Variants in CREBL2 observed in about 807,000 individuals in gnomAD.
The protein encoded by CREBL2 is cAMP-responsive element-binding protein-like 2.
In CREBL2, 4 loss-of-function variants were observed where a neutral mutation model predicts 19.5. The ratio of observed to expected loss-of-function variants is 0.20; its 90% CI spans 0.10 to 0.47. The LOEUF (loss-of-function observed/expected upper bound fraction) is 0.47. CREBL2 is among the 20% of genes least tolerant of loss of function. The pLI is 0.98. For synonymous variants in CREBL2, 42 were observed against 46.6 expected (o/e 0.90, Z 0.40); for missense variants, 85 against 145.1 (o/e 0.59, Z 2.13).
chr12:12,629,328 C>T (rs1431759330), intron 1 of CREBL2, among the ~76,000 whole-genome samples: 1 of 152,156 alleles, frequency 6.6e-6, no homozygotes, highest in Admixed American at 6.5e-5. Flanking sequence ...ACAGATTTGA[C>T]ACTCCTTATG....
Position 12,612,124 on chromosome 12 carries a change from G to C in CREBL2, c.-49G>C. 1 of 1,606,274 alleles carries C rather than the reference G, an allele frequency of 6.2e-7. No individual in the cohort carries two copies. The highest frequency in any genetic ancestry group is 8.5e-7 in the Non-Finnish European group (1 of 1,178,000). On this transcript the variant is annotated 5_prime_UTR_variant, in exon 1 of 4. Transcript: ENST00000228865. ...GGCCGGGCCAGGCCGGCTGAGCCGG[G>C]GGAGGGCTCCGGGAGGGAGTGCCTG...
intron 1 of CREBL2, chr12:12,614,623 A>G: frequency 3.5e-6 from 1 of 288,518 alleles, no homozygotes; most frequent in Non-Finnish European, 6.8e-6. Context: ...ATGCACATCC[A>G]TTCCTAGCTA....
At chr12:12,629,808 A>G (rs867184061) in intron 1 of CREBL2, among the ~76,000 whole-genome samples, 9 of 152,072 alleles carry the variant, frequency 5.9e-5, no homozygotes, top group Non-Finnish European at 1.0e-4. Context: ...GAGTGTTTTT[A>G]TCATGTGAAG....
At chr12:12,619,157 C>T (rs1190015518) in intron 1 of CREBL2, among the ~76,000 whole-genome samples, 1 of 152,204 alleles carries the variant, frequency 6.6e-6, no homozygotes, top group Non-Finnish European at 1.5e-5. Flanking sequence ...AACACCTACA[C>T]TACCCTTTGC....
At chr12:12,626,208 A>AGAGCATAAG (rs1327448651) in intron 1 of CREBL2, among the ~76,000 whole-genome samples, 169 of 152,114 alleles carry the variant, frequency 1.1e-3, no homozygotes, top group African/African-American at 4.0e-3. Flanking sequence ...TAACTCCTAA[A>AGAGCATAAG]GAGCATGCAA....
chr12:12,614,445 G>GGT (rs1945292754), intron 1 of CREBL2: 1 of 153,616 alleles, frequency 6.5e-6, no homozygotes, highest in African/African-American at 2.4e-5. Context: ...ATTGAACCCA[G>GGT]GTACCTTTCT....
chr12:12,641,807 C>T (rs905758215), intron 3 of CREBL2, among the ~76,000 whole-genome samples, 187 bp from the exon 4 acceptor site: 4 of 151,980 alleles, frequency 2.6e-5, no homozygotes, highest in African/African-American at 9.7e-5. Context: ...AAAATTAAAA[C>T]ATTTGGCTTC....
chr12:12,617,887 C>T (rs1945325067), intron 1 of CREBL2, among the ~76,000 whole-genome samples: 1 of 151,026 alleles, frequency 6.6e-6, no homozygotes, highest in African/African-American at 2.4e-5. Context: ...GAGCATGCTG[C>T]CTTCAAGCAT....
chr12:12,614,032 C>T lies in CREBL2; in HGVS notation c.15+1845C>T, dbSNP rs7301486. 1.6e-3 allele frequency among the ~76,000 whole-genome samples: 209 copies of T among 133,288 alleles called. 2 individuals carry two copies. The highest frequency in any genetic ancestry group is 5.7e-3 in the African/African-American group (197 of 34,782). The allele number at this position is 133,288 out of a possible 152,430, so 87.4% of individuals were successfully genotyped here. A position where few individuals can be genotyped will look rare whatever the true frequency, so the allele number is the denominator to read the frequency against. On this transcript the variant is annotated intron_variant, in intron 1 of 3. Transcript: ENST00000228865. ...TTTTGAGACGGAGTCTCCGCTGTAT[C>T]GCCCAGGCTGGAGTACAGTGGCACG...
chr12:12,638,726 G>T (rs1479337444), intron 3 of CREBL2, among the ~76,000 whole-genome samples: 1 of 152,114 alleles, frequency 6.6e-6, no homozygotes, highest in Non-Finnish European at 1.5e-5. Flanking sequence ...AGAAAGGCTG[G>T]CTAAGGTGCC....
intron 1 of CREBL2, among the ~76,000 whole-genome samples, chr12:12,633,870 C>T (rs2136305433): frequency 6.6e-6 from 1 of 152,294 alleles, no homozygotes; most frequent in Non-Finnish European, 1.5e-5. Context: ...TACATTTATT[C>T]TAATGATTTG....
At chr12:12,641,253 A>ATTATTTTT (rs1478394376) in intron 3 of CREBL2, among the ~76,000 whole-genome samples, 83 of 78,246 alleles carry the variant, frequency 1.1e-3, no homozygotes, top group South Asian at 1.4e-3. Context: ...TATTATTATT[A>ATTATTTTT]TTTTTTTTTA....
At chr12:12,630,724 AAACAAAAAGGTGTG>A (rs1945437218) in intron 1 of CREBL2, among the ~76,000 whole-genome samples, 1 of 152,220 alleles carries the variant, frequency 6.6e-6, no homozygotes, top group Non-Finnish European at 1.5e-5. Context: ...TCTTTAAAAC[AAACAAAAAGGTGTG>A]TTCCGCTCCC....
chr12:12,621,523 C>CAAAAAA (rs61201510), intron 1 of CREBL2, among the ~76,000 whole-genome samples: 7 of 64,872 alleles, frequency 1.1e-4, no homozygotes, highest in African/African-American at 1.7e-4. Context: ...CGTCTCAAAC[C>CAAAAAA]AAAAAAAAAA....
intron 1 of CREBL2, among the ~76,000 whole-genome samples, chr12:12,623,180 G>A (rs374063454): frequency 2.3e-5 from 3 of 130,546 alleles, no homozygotes; most frequent in African/African-American, 8.8e-5. Flanking sequence ...TCAAAATATT[G>A]CTGATTTTTC....
intron 1 of CREBL2, among the ~76,000 whole-genome samples, chr12:12,634,528 A>G (rs935240161): frequency 6.6e-6 from 1 of 152,184 alleles, no homozygotes; most frequent in Admixed American, 6.5e-5. Flanking sequence ...GTGTATATAT[A>G]TACGATTTTA....
rs71755460 is a variant in CREBL2, at chr12:12,643,660, C to CTCTAGTCTAG, written c.*1685_*1694dup. ...CTTGTACTTGGTTGCAAACTCAGAT[C>CTCTAGTCTAG]TCTAGTCTAGTCTAGTCTAGTCTAG... On this transcript the variant is annotated 3_prime_UTR_variant, in exon 4 of 4. Transcript: ENST00000228865. 5.3e-5 allele frequency: 8 copies of CTCTAGTCTAG among 151,096 alleles called. No individual in the cohort carries two copies. The South Asian group carries it at 6.3e-4, about 12-fold the overall frequency. The allele number at this position is 151,096 out of a possible 1,614,324, so 9.4% of individuals were successfully genotyped here.
chr12:12,617,819 T>A (rs1408880619), intron 1 of CREBL2, among the ~76,000 whole-genome samples: 1 of 151,686 alleles, frequency 6.6e-6, no homozygotes, highest in East Asian at 1.9e-4. Flanking sequence ...CCCTGCGGCC[T>A]TCCGCTGTGT....
chr12:12,620,402 T>A (rs1038718604), intron 1 of CREBL2, among the ~76,000 whole-genome samples: 1 of 152,094 alleles, frequency 6.6e-6, no homozygotes, highest in African/African-American at 2.4e-5. Context: ...CCTGACTAAT[T>A]TAAAAATATT....
Sources: gnomAD v4.1 joint callset for allele counts (sites outside exome capture counted in the v4.1 genomes callset) on GRCh38, gnomAD v4.1.1 for gene constraint, MANE v1.5 for transcripts, NCBI Gene and HGNC (gene_info 2026-07-23, HGNC 2026-07-21) for gene names.